KIAA0319L: variants seen among roughly 807,000 people sequenced by gnomAD.
The protein encoded by KIAA0319L is KIAA0319 like.
Under a neutral mutation model 120.1 loss-of-function variants are expected in KIAA0319L, and 55 were observed. That is an observed-to-expected ratio of 0.46 (90% CI 0.37 to 0.57). KIAA0319L has a LOEUF of 0.57. Among genes scored for constraint, KIAA0319L ranks in the 20% least tolerant of loss-of-function variants. The pLI, the probability that KIAA0319L is intolerant of heterozygous loss-of-function variation, is 0.00. For missense variants in KIAA0319L, 1,049 were observed against 1,255.3 expected (o/e 0.84, Z 2.48); for synonymous variants, 398 against 471.9 (o/e 0.84, Z 2.03).
At chr1:35,439,296 C>T (rs907624487) in intron 20 of KIAA0319L, 1 of 152,232 alleles carries the variant, frequency 6.6e-6, no homozygotes, top group Non-Finnish European at 1.5e-5. Context: ...TCCCACTTAT[C>T]CAGGTCTCAG....
chr1:35,481,156 A>G (rs1171939996), intron 3 of KIAA0319L, among the ~76,000 whole-genome samples: 2 of 152,192 alleles, frequency 1.3e-5, no homozygotes, highest in Non-Finnish European at 2.9e-5. Context: ...GTAGTTTTCC[A>G]TTATAGAAAT....
At position 35,538,949 on chromosome 1, in the gene KIAA0319L, G is replaced by A. The variant is rs559822879; in HGVS notation, c.142+15401C>T. Among the ~76,000 whole-genome samples, 10 of 151,920 alleles carry A rather than the reference G, an allele frequency of 6.6e-5. No homozygotes were observed. In the South Asian group the frequency reaches 1.9e-3, roughly 28 times the overall value. ...TAGTATAGACTATCTCTAACTGCAC[G>A]GAAACTGGCGTTTCCTTATCCTCAT... On this transcript the variant is annotated intron_variant, in intron 2 of 20. Transcript: ENST00000325722.
At chr1:35,441,191 G>A in intron 19 of KIAA0319L, 53 bp from the exon 20 acceptor site, 3 of 1,523,684 alleles carry the variant, frequency 2.0e-6, no homozygotes, top group Non-Finnish European at 1.8e-6. Flanking sequence ...CTGGGAGGAT[G>A]AGGATGAGAG....
intron 2 of KIAA0319L, among the ~76,000 whole-genome samples, chr1:35,550,552 A>G (rs1647162383): frequency 6.6e-6 from 1 of 152,208 alleles, no homozygotes; most frequent in South Asian, 2.1e-4. Flanking sequence ...AGAGATAATA[A>G]TTCCTCTAGT....
chr1:35,553,272 A>C (rs543921663), intron 2 of KIAA0319L, among the ~76,000 whole-genome samples: 2 of 151,866 alleles, frequency 1.3e-5, no homozygotes, highest in African/African-American at 4.9e-5. Context: ...GTGCTAAATC[A>C]ATTACTTATT....
chr1:35,489,062 C>T (rs1644494248), intron 3 of KIAA0319L, among the ~76,000 whole-genome samples: 1 of 152,136 alleles, frequency 6.6e-6, no homozygotes, highest in South Asian at 2.1e-4. Context: ...AGACTGAAAA[C>T]TTAATGATAG....
rs34942826 is a variant in KIAA0319L, at chr1:35,434,083, CTT to C, written c.*809_*810del. ...GTTAAGGGGGGGCCAGATATCATTT[CTT>C]TTTTTTTTTTTTTTTTTTTGACGGA... On this transcript the variant is annotated 3_prime_UTR_variant, in exon 21 of 21. Transcript: ENST00000325722. 739 of 115,992 alleles carry C rather than the reference CTT, an allele frequency of 6.4e-3. 9 individuals are homozygous for C. The highest frequency in any genetic ancestry group is 0.023 in the African/African-American group (606 of 26,756). The allele number at this position is 115,992 out of a possible 1,614,324, so 7.2% of individuals were successfully genotyped here.
At chr1:35,503,721 T>C (rs531976116) in intron 3 of KIAA0319L, among the ~76,000 whole-genome samples, 3 of 152,228 alleles carry the variant, frequency 2.0e-5, no homozygotes, top group South Asian at 4.2e-4. Context: ...AGGCTTGAAC[T>C]GCGCAGGTTC....
intron 2 of KIAA0319L, chr1:35,533,409 G>A (rs538071068): frequency 9.9e-5 from 15 of 152,264 alleles, no homozygotes; most frequent in Admixed American, 9.8e-4. Context: ...AAAAAAAGCA[G>A]TTGATAAATT....
intron 2 of KIAA0319L, among the ~76,000 whole-genome samples, chr1:35,550,952 A>G (rs1647177572): frequency 6.6e-6 from 1 of 152,218 alleles, no homozygotes; most frequent in African/African-American, 2.4e-5. Context: ...ATAATTAAGC[A>G]GGTTTCAGCA....
intron 2 of KIAA0319L, among the ~76,000 whole-genome samples, chr1:35,524,271 G>C (rs571388802): frequency 6.6e-6 from 1 of 152,332 alleles, no homozygotes; most frequent in Admixed American, 6.5e-5. Flanking sequence ...TGAAATAGGA[G>C]ACAAAAGCAG....
At position 35,545,012 on chromosome 1, in the gene KIAA0319L, T is replaced by C. The variant is rs968717587; in HGVS notation, c.142+9338A>G. On this transcript the variant is annotated intron_variant, in intron 2 of 20. Coordinates refer to ENST00000325722, the MANE Select transcript of KIAA0319L (RefSeq NM_024874.5). ...TCTCACTGAGCCCAGGAAGCGGAGA[T>C]GTGAGTTTGGCTAGAAGGTGAGGGG... 3.3e-5 allele frequency among the ~76,000 whole-genome samples: 5 copies of C among 152,042 alleles called. No individual in the cohort carries two copies. The East Asian group carries it at 9.7e-4, about 29-fold the overall frequency.
intron 2 of KIAA0319L, among the ~76,000 whole-genome samples, chr1:35,519,876 G>C (rs1440604060): frequency 6.6e-6 from 1 of 152,108 alleles, no homozygotes; most frequent in Non-Finnish European, 1.5e-5. Flanking sequence ...CTCCAGCACT[G>C]ATATTCTCCA....
intron 3 of KIAA0319L, among the ~76,000 whole-genome samples, chr1:35,483,462 A>G (rs1395165351): frequency 6.6e-6 from 1 of 152,160 alleles, no homozygotes; most frequent in Non-Finnish European, 1.5e-5. Context: ...ATCATTATCT[A>G]ATTGTTCTAG....
intron 2 of KIAA0319L, among the ~76,000 whole-genome samples, chr1:35,523,856 GTATAGATGGGGTTTAT>G (rs1646021223): frequency 6.6e-6 from 1 of 152,178 alleles, no homozygotes; most frequent in African/African-American, 2.4e-5. Context: ...ATAAGTCTAA[GTATAGATGGGGTTTAT>G]TAACTCAATG....
intron 3 of KIAA0319L, among the ~76,000 whole-genome samples, chr1:35,486,964 T>C (rs1644413171): frequency 6.6e-6 from 1 of 152,172 alleles, no homozygotes. Flanking sequence ...ATATGATAGC[T>C]ACTTTGAAGT....
intron 3 of KIAA0319L, among the ~76,000 whole-genome samples, chr1:35,481,662 TA>T (rs1346957620): frequency 6.6e-6 from 1 of 152,094 alleles, no homozygotes; most frequent in African/African-American, 2.4e-5. Context: ...TGAACATACA[TA>T]AAATGTACAA....
At chr1:35,473,714 T>C (rs1368533049) in intron 5 of KIAA0319L, among the ~76,000 whole-genome samples, 2 of 152,218 alleles carry the variant, frequency 1.3e-5, no homozygotes, top group Admixed American at 1.3e-4. Context: ...ATTTTGCTTC[T>C]GGAAAAGTAC....
Position 35,451,780 on chromosome 1 carries a change from CAA to C in KIAA0319L, c.1914-6_1914-5del. ...GAGCTGCACCCCATCAGGTCCCCTG[CAA>C]AAAAAGAAACTAGAGGGTAGAGTTG... On this transcript the variant is annotated splice_region_variant and splice_polypyrimidine_tract_variant and intron_variant, in intron 12 of 20. Coordinates refer to ENST00000325722, the MANE Select transcript of KIAA0319L (RefSeq NM_024874.5). 6.2e-7 allele frequency: 1 copy of C among 1,609,860 alleles called. No individual in the cohort carries two copies. Among genetic ancestry groups the C allele is most frequent in the Non-Finnish European group, 8.5e-7 (1 of 1,178,786 alleles).
Sources: gnomAD v4.1 joint callset for allele counts (sites outside exome capture counted in the v4.1 genomes callset) on GRCh38, gnomAD v4.1.1 for gene constraint, MANE v1.5 for transcripts, NCBI Gene and HGNC (gene_info 2026-07-23, HGNC 2026-07-21) for gene names.